The following TRERF1 variants were observed in gnomAD, a reference collection of about 807,000 sequenced individuals.
TRERF1 encodes the protein transcriptional regulating factor 1, also known as transcriptional-regulating factor 1.
TRERF1 carries 27 observed loss-of-function variants against 122.9 expected under a neutral mutation model. That is an observed-to-expected ratio of 0.22 (90% CI 0.16 to 0.30). TRERF1 has a LOEUF of 0.30. TRERF1 is among the 10% of genes least tolerant of loss of function. The probability of loss-of-function intolerance (pLI) is 1.00; values close to 1 mark genes in which losing one functional copy is unlikely to be tolerated. For missense variants in TRERF1, 1,248 were observed against 1,560.3 expected (o/e 0.80, Z 3.37); for synonymous variants, 636 against 641.7 (o/e 0.99, Z 0.13).
chr6:42,414,016 C>A (rs939596515), intron 2 of TRERF1, among the ~76,000 whole-genome samples: 1 of 152,108 alleles, frequency 6.6e-6, no homozygotes. Context: ...AAAAGAAACA[C>A]AAAGACCCAA....
intron 2 of TRERF1, among the ~76,000 whole-genome samples, chr6:42,399,971 T>C (rs1283660337): frequency 2.6e-5 from 4 of 152,170 alleles, no homozygotes; most frequent in African/African-American, 9.7e-5. Context: ...CTCAAATAGA[T>C]GGAATTCTTG....
intron 2 of TRERF1, among the ~76,000 whole-genome samples, chr6:42,371,987 GC>G (rs1385252722): frequency 3.3e-5 from 5 of 152,100 alleles, no homozygotes; most frequent in Non-Finnish European, 5.9e-5. Context: ...TTCGAGATCA[GC>G]CTGGCCAACA....
chr6:42,261,611 G>A (rs553996043), intron 8 of TRERF1, among the ~76,000 whole-genome samples: 12 of 152,216 alleles, frequency 7.9e-5, no homozygotes, highest in Admixed American at 7.8e-4. Context: ...TGAGTGGGGG[G>A]CAGGTCTCAG....
intron 2 of TRERF1, among the ~76,000 whole-genome samples, chr6:42,381,909 A>G (rs1159401613): frequency 2.0e-5 from 3 of 150,364 alleles, no homozygotes; most frequent in Non-Finnish European, 4.4e-5. Context: ...AGGAGGGGCA[A>G]GAAGGCTGGA....
At chr6:42,419,561 T>C (rs1376445750) in intron 2 of TRERF1, among the ~76,000 whole-genome samples, 3 of 152,036 alleles carry the variant, frequency 2.0e-5, no homozygotes, top group Non-Finnish European at 4.4e-5. Context: ...ACTGGGGGGA[T>C]TCACAAGACA....
chr6:42,411,290 C>G (rs995325442), intron 2 of TRERF1, among the ~76,000 whole-genome samples: 2 of 152,198 alleles, frequency 1.3e-5, no homozygotes, highest in African/African-American at 4.8e-5. Flanking sequence ...CTGTCTCATA[C>G]ATAAAGAAAC....
Position 42,326,238 on chromosome 6 carries a change from A to C in TRERF1, c.-370-25489T>G, listed in dbSNP as rs540163470. Among the ~76,000 whole-genome samples the C allele has an allele frequency of 6.8e-5, 10 of 146,148 alleles. 2 individuals carry two copies. The South Asian group carries it at 2.1e-3, about 31-fold the overall frequency. On this transcript the variant is annotated intron_variant, in intron 3 of 17. Transcript: ENST00000372922. ...ACTGGCTTGCCAGTTGGCTGGCTGG[A>C]TGGAAGGGGTGACAGGGGCCTGTAT...
intron 3 of TRERF1, among the ~76,000 whole-genome samples, chr6:42,345,764 T>C (rs1316740668): frequency 6.6e-6 from 1 of 152,234 alleles, no homozygotes; most frequent in African/African-American, 2.4e-5. Flanking sequence ...CCACCCAAGA[T>C]CCTAGGCCTG....
intron 4 of TRERF1, among the ~76,000 whole-genome samples, chr6:42,300,315 C>T (rs1785942659): frequency 2.0e-5 from 3 of 152,178 alleles, no homozygotes; most frequent in Admixed American, 2.0e-4. Flanking sequence ...TCTATCCTGT[C>T]TCAGAGATTT....
chr6:42,375,410 G>A (rs9381168), intron 2 of TRERF1, among the ~76,000 whole-genome samples: 3,595 of 152,286 alleles, frequency 0.024, 112 homozygotes, highest in East Asian at 0.095. Flanking sequence ...CCACACAAAT[G>A]CTAGTTCCTC....
intron 13 of TRERF1, among the ~76,000 whole-genome samples, chr6:42,253,231 G>A (rs1167461562): frequency 6.6e-6 from 1 of 152,214 alleles, no homozygotes; most frequent in East Asian, 1.9e-4. Context: ...AAGAACCAGA[G>A]GAGAGCTGTA....
intron 17 of TRERF1, among the ~76,000 whole-genome samples, chr6:42,229,262 C>T (rs1770042217): frequency 6.6e-6 from 1 of 152,102 alleles, no homozygotes; most frequent in African/African-American, 2.4e-5. Flanking sequence ...CTGAGCCTCT[C>T]GATTAGCTAG....
At chr6:42,358,350 G>A (rs2150915396) in intron 3 of TRERF1, among the ~76,000 whole-genome samples, 1 of 152,314 alleles carries the variant, frequency 6.6e-6, no homozygotes, top group East Asian at 1.9e-4. Context: ...ATCAAAACTT[G>A]TATTAAAATG....
Position 42,448,041 on chromosome 6 carries a change from T to TAAAA in TRERF1, c.-454+3132_-454+3135dup, listed in dbSNP as rs562583410. Among the ~76,000 whole-genome samples, 4 of 152,222 alleles carry TAAAA rather than the reference T, an allele frequency of 2.6e-5. No individual in the cohort carries two copies. In the South Asian group the frequency reaches 8.3e-4, roughly 32 times the overall value. ...TTTTCATGGCAATGTCCAAAGTCAA[T>TAAAA]AAAAACATCAAGAGCTTCTCCCAAA... On this transcript the variant is annotated intron_variant, in intron 2 of 17. Transcript: ENST00000372922.
At position 42,238,701 on chromosome 6, in the gene TRERF1, A is replaced by T. The variant is rs190690210; in HGVS notation, c.2860-2290T>A. Reference sequence around the variant, plus strand: ...TCCCAAGCATGCAAATGGAATTCATATTATGAGAAATTGGTAAGTCAGAAT... The same window carrying T: ...TCCCAAGCATGCAAATGGAATTCATTTTATGAGAAATTGGTAAGTCAGAAT... On this transcript the variant is annotated intron_variant, in intron 15 of 17. Coordinates refer to ENST00000372922, the Ensembl canonical transcript of TRERF1. Among the ~76,000 whole-genome samples the T allele has an allele frequency of 1.9e-3, 294 of 152,248 alleles. 1 individual carries two copies. The highest frequency in any genetic ancestry group is 6.5e-3 in the African/African-American group (269 of 41,538).
chr6:42,332,676 C>G (rs969976797), intron 3 of TRERF1, among the ~76,000 whole-genome samples: 1 of 152,224 alleles, frequency 6.6e-6, no homozygotes, highest in Admixed American at 6.5e-5. Context: ...TCAAAGGGCC[C>G]TCACGGTTAC....
chr6:42,347,395 A>G (rs914837179), intron 3 of TRERF1, among the ~76,000 whole-genome samples: 1 of 152,254 alleles, frequency 6.6e-6, no homozygotes, highest in Non-Finnish European at 1.5e-5. Context: ...ATGCCTTCCA[A>G]GAATTTATGG....
At position 42,263,993 on chromosome 6, in the gene TRERF1, G is replaced by C. The variant is rs2149839739; in HGVS notation, c.1636-425C>G. On this transcript the variant is annotated intron_variant, in intron 7 of 17. Transcript: ENST00000372922. The surrounding 1 kb of genome is among the most constrained non-coding windows in gnomAD (Gnocchi z 5.6). ...TTATTCAGGTCAGGAAACCACACTGGAGATACAAAACATGTACTTTTAACA... is the reference window on the plus strand; with the variant it reads ...TTATTCAGGTCAGGAAACCACACTGCAGATACAAAACATGTACTTTTAACA... Among the ~76,000 whole-genome samples the C allele has an allele frequency of 6.6e-6, 1 of 152,294 alleles. No homozygotes were observed. Among genetic ancestry groups the C allele is most frequent in the African/African-American group, 2.4e-5 (1 of 41,558 alleles).
In TRERF1 at chr6:42,269,682, G is replaced by C. The variant is rs1779876526; in HGVS notation, c.-92C>G. 6.7e-7 allele frequency: 1 copy of C among 1,489,796 alleles called. No individual in the cohort carries two copies. Among genetic ancestry groups the C allele is most frequent in the Non-Finnish European group, 8.9e-7 (1 of 1,123,084 alleles). The allele number at this position is 1,489,796 out of a possible 1,614,324, so 92.3% of individuals were successfully genotyped here. On this transcript the variant is annotated 5_prime_UTR_variant, in exon 5 of 18. Transcript: ENST00000372922. The surrounding 1 kb of genome is among the most constrained non-coding windows in gnomAD (Gnocchi z 4.9). ...AAGGACTGAAACCCTGAGAAGCTGA[G>C]AGAAAAGTGTCAGCACTACTCCACG...
Sources: allele counts gnomAD v4.1 joint callset (sites outside exome capture counted in the v4.1 genomes callset), GRCh38; gene constraint gnomAD v4.1.1; non-coding constraint Gnocchi (gnomAD v3.1); transcripts MANE v1.5; gene names NCBI Gene and HGNC (gene_info 2026-07-23, HGNC 2026-07-21).